Variants in TBCD observed in about 807,000 individuals in gnomAD.
The protein encoded by TBCD is tubulin folding cofactor D.
Under a neutral mutation model 169.3 loss-of-function variants are expected in TBCD, and 105 were observed. The ratio of observed to expected loss-of-function variants is 0.62; its 90% CI spans 0.53 to 0.73. The LOEUF (loss-of-function observed/expected upper bound fraction) is 0.73, where lower values mean the gene tolerates loss of function less well. Among genes scored for constraint, TBCD ranks in the 30% least tolerant of loss-of-function variants. TBCD has a pLI of 0.00. For missense variants in TBCD, 1,444 were observed against 1,600.1 expected (o/e 0.90, Z 1.66); for synonymous variants, 700 against 643.9 (o/e 1.09, Z -1.32).
chr17:82,926,555 G>T (rs2061779710), intron 28 of TBCD, 64 bp downstream of exon 28: 8 of 1,414,680 alleles, frequency 5.7e-6, no homozygotes, highest in Admixed American at 3.6e-5. Context: ...TGAACGCTAA[G>T]GGGGATGTTT....
intron 7 of TBCD, among the ~76,000 whole-genome samples, chr17:82,787,526 G>A (rs1388129524): frequency 2.6e-5 from 4 of 152,244 alleles, no homozygotes; most frequent in Admixed American, 6.5e-5. Context: ...GGAGGAAGTC[G>A]TGCTGGGTGC....
At chr17:82,767,933 A>G (rs923620445) in intron 4 of TBCD, among the ~76,000 whole-genome samples, 17 of 151,700 alleles carry the variant, frequency 1.1e-4, no homozygotes, top group Admixed American at 1.1e-3. Flanking sequence ...CAGCCTGGGC[A>G]ACAGAGCGAG....
chr17:82,766,341 C>G lies in TBCD; in HGVS notation c.408C>G (p.Val136=). 2.5e-6 allele frequency: 4 copies of G among 1,612,954 alleles called. No individual in the cohort carries two copies. The highest frequency in any genetic ancestry group is 3.4e-6 in the Non-Finnish European group (4 of 1,179,494). The stretch of plus-strand genomic sequence containing the variant: ...ATGTAGAGCCTGTTTTAGATTTGGT[C>G]ACAATTCAGAATCCCAAGGACCATG... ...VADVEPVLDL[V]TIQNPKDHEA... Residue 136 remains valine, a synonymous_variant, in exon 4 of 39, where the codon GTC becomes GTG. Coordinates refer to ENST00000355528, the MANE Select transcript of TBCD (RefSeq NM_005993.5).
At chr17:82,861,847 AGGTGCTT>A (rs2056792193) in intron 13 of TBCD, among the ~76,000 whole-genome samples, 1 of 152,210 alleles carries the variant, frequency 6.6e-6, no homozygotes, top group Admixed American at 6.5e-5. Flanking sequence ...TTAGAAAGTA[AGGTGCTT>A]TCATAGAGAA....
chr17:82,758,010 C>T (rs2047495140), intron 2 of TBCD, among the ~76,000 whole-genome samples: 1 of 152,178 alleles, frequency 6.6e-6, no homozygotes, highest in Non-Finnish European at 1.5e-5. Context: ...GACCTCTTTC[C>T]AGAGTGGATC....
intron 6 of TBCD, 90 bp downstream of exon 6, chr17:82,772,597 C>G: frequency 7.2e-7 from 1 of 1,384,624 alleles, no homozygotes; most frequent in East Asian, 2.3e-5. Flanking sequence ...GTCTTCAGTC[C>G]TCAGACGAAG....
intron 2 of TBCD, among the ~76,000 whole-genome samples, chr17:82,763,570 G>A (rs968859849): frequency 3.3e-5 from 5 of 151,898 alleles, no homozygotes; most frequent in African/African-American, 1.2e-4. Flanking sequence ...GTGAAACCCC[G>A]TCTCTACTAA....
At chr17:82,871,831 C>T (rs7209562) in intron 14 of TBCD, among the ~76,000 whole-genome samples, 36,769 of 152,130 alleles carry the variant, frequency 0.24, 4,508 homozygotes, top group Middle Eastern at 0.31. Context: ...GTCTTTTGGA[C>T]GTCCTGGGTG....
intron 7 of TBCD, among the ~76,000 whole-genome samples, chr17:82,786,821 CTTTTTTTTTTT>C (rs71168154): frequency 9.1e-6 from 1 of 110,170 alleles, no homozygotes; most frequent in African/African-American, 3.3e-5. Context: ...CGGTTCTTTA[CTTTTTTTTTTT>C]TTTTTTTTGA....
At position 82,789,648 on chromosome 17, in the gene TBCD, C is replaced by T. The variant is rs561599487; in HGVS notation, c.771+7927C>T. Among the ~76,000 whole-genome samples, 33 of 152,370 alleles carry T rather than the reference C, an allele frequency of 2.2e-4. No individual in the cohort carries two copies. The South Asian group carries it at 6.4e-3, about 30-fold the overall frequency. On this transcript the variant is annotated intron_variant, in intron 7 of 38. Coordinates refer to ENST00000355528, the MANE Select transcript of TBCD (RefSeq NM_005993.5). This position sits in a 1 kb window ranked among gnomAD's most constrained non-coding sequence, Gnocchi z 4.8. ...CAGACCCGTGATGCCTCACTGCCCA[C>T]GCAGTCACCTTAGAGGCACCTTCCC...
chr17:82,787,728 C>G (rs183410032), intron 7 of TBCD, among the ~76,000 whole-genome samples: 1 of 152,224 alleles, frequency 6.6e-6, no homozygotes, highest in Non-Finnish European at 1.5e-5. Context: ...CAAGTACCAT[C>G]GAAACCAGGA....
intron 17 of TBCD, among the ~76,000 whole-genome samples, chr17:82,899,264 C>T (rs1191678414): frequency 3.5e-5 from 5 of 144,530 alleles, no homozygotes; most frequent in African/African-American, 1.0e-4. Flanking sequence ...CCTCAGCGTG[C>T]GTGTCCTCAG....
At chr17:82,813,491 G>A (rs1410459114) in intron 12 of TBCD, among the ~76,000 whole-genome samples, 1 of 152,124 alleles carries the variant, frequency 6.6e-6, no homozygotes. Context: ...TGGTGGTGCT[G>A]GGCCTCTGAG....
intron 26 of TBCD, among the ~76,000 whole-genome samples, chr17:82,924,708 G>A (rs2061614509): frequency 6.6e-6 from 1 of 152,180 alleles, no homozygotes; most frequent in Non-Finnish European, 1.5e-5. Flanking sequence ...AGCTAAGCTT[G>A]CACCACGGCA....
chr17:82,909,562 G>A lies in TBCD; in HGVS notation c.2006+255G>A, dbSNP rs139312370. ...ACCTGGTTGTGTGTTTGGGTTGAGCGGGTGGGTGTCACCCGGCCCGCTGTG... is the reference window on the plus strand; with the variant it reads ...ACCTGGTTGTGTGTTTGGGTTGAGCAGGTGGGTGTCACCCGGCCCGCTGTG... On this transcript the variant is annotated intron_variant, in intron 22 of 38. Coordinates refer to ENST00000355528, the MANE Select transcript of TBCD (RefSeq NM_005993.5). Among the ~76,000 whole-genome samples, 14,437 of 142,454 alleles carry A rather than the reference G, an allele frequency of 0.1. 551 individuals carry two copies. Among genetic ancestry groups the A allele is most frequent in the Non-Finnish European group, 0.15 (9,229 of 62,846 alleles). The allele number at this position is 142,454 out of a possible 152,430, so 93.5% of individuals were successfully genotyped here. A position where few individuals can be genotyped will look rare whatever the true frequency, so the allele number is the denominator to read the frequency against.
chr17:82,887,179 G>GCGCGCGCGCGCGCA (rs1723124569), intron 15 of TBCD, among the ~76,000 whole-genome samples: 1 of 76,984 alleles, frequency 1.3e-5, no homozygotes, highest in South Asian at 3.6e-4. Flanking sequence ...GCGCGCGCGC[G>GCGCGCGCGCGCGCA]CACGTGCGCT....
intron 15 of TBCD, among the ~76,000 whole-genome samples, chr17:82,885,921 A>G (rs1339927790): frequency 6.6e-6 from 1 of 152,196 alleles, no homozygotes; most frequent in Non-Finnish European, 1.5e-5. Context: ...AGGGCCTCAT[A>G]ATTGGGAATC....
chr17:82,941,720 G>T (rs565784747), intron 38 of TBCD: 2 of 530,960 alleles, frequency 3.8e-6, no homozygotes, highest in Admixed American at 7.3e-5. Context: ...GGGGGCCGGG[G>T]AGTGGGTGGA....
Position 82,752,090 on chromosome 17 carries a change from G to GGCGCCTCCTT in TBCD, c.-103_-94dup. ...GCCAGCGTCGGTTGCCGCCTTAGCG[G>GGCGCCTCCTT]GCGCCTCCTTTTCATCCCTCATCCT... On this transcript the variant is annotated 5_prime_UTR_variant, in exon 1 of 39. Coordinates refer to ENST00000355528, the MANE Select transcript of TBCD (RefSeq NM_005993.5). 1 of 1,276,552 alleles carries GGCGCCTCCTT rather than the reference G, an allele frequency of 7.8e-7. No individual in the cohort carries two copies. The highest frequency in any genetic ancestry group is 3.2e-5 in the East Asian group (1 of 31,504). 79.1% of individuals were successfully genotyped at this position (1,276,552 alleles called of 1,614,324 possible). A position where few individuals can be genotyped will look rare whatever the true frequency, so the allele number is the denominator to read the frequency against.
Sources: gnomAD v4.1 joint callset for allele counts (sites outside exome capture counted in the v4.1 genomes callset) on GRCh38, gnomAD v4.1.1 for gene constraint, Gnocchi (gnomAD v3.1) non-coding constraint, MANE v1.5 for transcripts, NCBI Gene and HGNC (gene_info 2026-07-23, HGNC 2026-07-21) for gene names.